The following RWDD2B variants were observed in gnomAD, a reference collection of about 807,000 sequenced individuals.
RWDD2B encodes RWD domain-containing protein 2B.
RWDD2B carries 36 observed loss-of-function variants against 33.6 expected under a neutral mutation model. That is an observed-to-expected ratio of 1.07 (90% CI 0.82 to 1.42). The LOEUF (loss-of-function observed/expected upper bound fraction) is 1.42, where lower values mean the gene tolerates loss of function less well. Ranked by LOEUF, RWDD2B falls within the 40% of genes most tolerant of loss-of-function variation. The probability of loss-of-function intolerance (pLI) is 0.00; values close to 1 mark genes in which losing one functional copy is unlikely to be tolerated. For missense variants in RWDD2B, 364 were observed against 377.5 expected (o/e 0.96, Z 0.30); for synonymous variants, 126 against 133.1 (o/e 0.95, Z 0.37).
At chr21:29,013,418 G>C (rs1177383296) in intron 1 of RWDD2B, among the ~76,000 whole-genome samples, 2 of 152,062 alleles carry the variant, frequency 1.3e-5, no homozygotes, top group Non-Finnish European at 2.9e-5. Flanking sequence ...GGCCTGGCGC[G>C]GTAGCTCACG....
At chr21:29,007,656 T>C in intron 4 of RWDD2B, 105 bp downstream of exon 4, 1 of 1,204,706 alleles carries the variant, frequency 8.3e-7, no homozygotes, top group Non-Finnish European at 1.2e-6. Flanking sequence ...CACTGTTTTA[T>C]GTGTTGTCCA....
At chr21:29,011,965 C>A (rs1354010716) in intron 1 of RWDD2B, among the ~76,000 whole-genome samples, 2 of 128,526 alleles carry the variant, frequency 1.6e-5, no homozygotes, top group Non-Finnish European at 3.3e-5. Flanking sequence ...CCGACCCGGC[C>A]AGCCGCGCCG....
At position 29,007,890 on chromosome 21, in the gene RWDD2B, TTATAGA is replaced by T; in HGVS notation, c.590_595del (p.Ile197_Tyr198del). The T allele has an allele frequency of 6.2e-7, 1 of 1,614,240 alleles. No individual in the cohort carries two copies. The highest frequency in any genetic ancestry group is 8.5e-7 in the Non-Finnish European group (1 of 1,180,036). On this transcript the variant is annotated inframe_deletion, in exon 4 of 5. Transcript: ENST00000493196. Reference sequence around the variant, plus strand: ...TAGAATATTCTTTCTTTTGCATTTGTTATAGATATGATGGCTGTAGATCCAGAGTCT... The same window carrying T: ...TAGAATATTCTTTCTTTTGCATTTGTTATGATGGCTGTAGATCCAGAGTCT...
At chr21:29,010,234 GA>G (rs2084849766) in intron 1 of RWDD2B, among the ~76,000 whole-genome samples, 1 of 151,986 alleles carries the variant, frequency 6.6e-6, no homozygotes, top group South Asian at 2.1e-4. Flanking sequence ...TTACTTTCCA[GA>G]AAGTTGCCAT....
At chr21:29,016,514 T>C (rs1022338983) in intron 1 of RWDD2B, among the ~76,000 whole-genome samples, 5 of 152,126 alleles carry the variant, frequency 3.3e-5, no homozygotes, top group Non-Finnish European at 7.4e-5. Context: ...TTCACCCGCC[T>C]TGGCCTCCCA....
At position 29,019,336 on chromosome 21, in the gene RWDD2B, C is replaced by G. The variant is rs2084905161; in HGVS notation, c.-59G>C. 21 of 1,272,506 alleles carry G rather than the reference C, an allele frequency of 1.7e-5. No homozygotes were observed. In the South Asian group the frequency reaches 2.7e-4, roughly 16 times the overall value. The allele number at this position is 1,272,506 out of a possible 1,614,324, so 78.8% of individuals were successfully genotyped here. A position where few individuals can be genotyped will look rare whatever the true frequency, so the allele number is the denominator to read the frequency against. ...ACCCAAAACTTACAAACCGCCTCAG[C>G]TGGCGACCTACCGGAAAAAAAAAAA... On this transcript the variant is annotated 5_prime_UTR_variant, in exon 1 of 5. Transcript: ENST00000493196.
chr21:29,011,009 G>A (rs1399488188), intron 1 of RWDD2B, among the ~76,000 whole-genome samples: 1 of 152,074 alleles, frequency 6.6e-6, no homozygotes, highest in East Asian at 1.9e-4. Context: ...GCGTGATCTC[G>A]GCTCGCTACA....
In RWDD2B at chr21:29,019,348, C is replaced by A. The variant is rs1258461657; in HGVS notation, c.-71G>T. On this transcript the variant is annotated 5_prime_UTR_variant, in exon 1 of 5. Coordinates refer to ENST00000493196, the MANE Select transcript of RWDD2B (RefSeq NM_016940.3). ...CAAACCGCCTCAGCTGGCGACCTAC[C>A]GGAAAAAAAAAAAAAAAGCATGCGG... 3.9e-6 allele frequency: 4 copies of A among 1,034,698 alleles called. No individual in the cohort carries two copies. Among genetic ancestry groups the A allele is most frequent in the African/African-American group, 7.8e-5 (2 of 25,544 alleles). The allele number at this position is 1,034,698 out of a possible 1,614,324, so 64.1% of individuals were successfully genotyped here. A position where few individuals can be genotyped will look rare whatever the true frequency, so the allele number is the denominator to read the frequency against.
chr21:29,016,837 T>G (rs1416509868), intron 1 of RWDD2B, among the ~76,000 whole-genome samples: 2 of 152,198 alleles, frequency 1.3e-5, no homozygotes, highest in African/African-American at 4.8e-5. Context: ...TTATCTGTGC[T>G]TTAGTCTCCC....
At chr21:29,013,849 TC>T (rs2084876948) in intron 1 of RWDD2B, among the ~76,000 whole-genome samples, 3 of 152,162 alleles carry the variant, frequency 2.0e-5, no homozygotes, top group African/African-American at 7.2e-5. Flanking sequence ...AATGTTAGCA[TC>T]CCTTAAGGTT....
chr21:29,013,670 CAG>C (rs1326920595), intron 1 of RWDD2B, among the ~76,000 whole-genome samples: 2 of 120,792 alleles, frequency 1.7e-5, no homozygotes, highest in Non-Finnish European at 3.2e-5. Context: ...GCCTGGGCGA[CAG>C]AGTGAGACTC....
chr21:29,015,807 A>G (rs185760281), intron 1 of RWDD2B, among the ~76,000 whole-genome samples: 1 of 152,342 alleles, frequency 6.6e-6, no homozygotes, highest in East Asian at 1.9e-4. Flanking sequence ...CTGGGATTAC[A>G]GGCGTGAGCC....
At chr21:29,010,752 C>T (rs1191187200) in intron 1 of RWDD2B, among the ~76,000 whole-genome samples, 1 of 151,662 alleles carries the variant, frequency 6.6e-6, no homozygotes, top group African/African-American at 2.4e-5. Context: ...CATCTCGGCT[C>T]ACTGCAACCT....
intron 1 of RWDD2B, among the ~76,000 whole-genome samples, chr21:29,012,101 C>G (rs1259982502): frequency 2.9e-5 from 4 of 138,274 alleles, no homozygotes; most frequent in Admixed American, 6.9e-5. Context: ...CCAGCCGCCC[C>G]GTCCGGGAGG....
In RWDD2B at chr21:29,019,299, T is replaced by C. The variant is rs751236572; in HGVS notation, c.-22A>G. 5 of 1,574,728 alleles carry C rather than the reference T, an allele frequency of 3.2e-6. No homozygotes were observed. The South Asian group carries it at 3.4e-5, about 11-fold the overall frequency. On this transcript the variant is annotated 5_prime_UTR_variant, in exon 1 of 5. Transcript: ENST00000493196. ...TCATCAGAAGGGAGCCTCAAAATTC[T>C]AGCATACTGCGACCCAAAACTTACA... is the stretch of plus-strand genomic sequence containing the variant.
intron 1 of RWDD2B, among the ~76,000 whole-genome samples, chr21:29,014,513 C>G (rs1263987002): frequency 6.6e-6 from 1 of 152,196 alleles, no homozygotes; most frequent in Non-Finnish European, 1.5e-5. Context: ...CCATCTCAGT[C>G]TTAACAGTCC....
At position 29,006,115 on chromosome 21, in the gene RWDD2B, G is replaced by A. The variant is rs2084827124; in HGVS notation, c.*302C>T. The A allele has an allele frequency of 4.6e-6, 1 of 215,352 alleles. No homozygotes were observed. 13.3% of individuals were successfully genotyped at this position (215,352 alleles called of 1,614,324 possible). Reference sequence around the variant, plus strand: ...AAGGCAGGTAAGGGAGAAGGGGGTTGGGAATGGCTGGCAAATTGGAGCACC... The same window carrying A: ...AAGGCAGGTAAGGGAGAAGGGGGTTAGGAATGGCTGGCAAATTGGAGCACC... On this transcript the variant is annotated 3_prime_UTR_variant, in exon 5 of 5. Coordinates refer to ENST00000493196, the MANE Select transcript of RWDD2B (RefSeq NM_016940.3).
intron 1 of RWDD2B, among the ~76,000 whole-genome samples, chr21:29,011,481 C>T (rs1168176469): frequency 1.6e-4 from 24 of 151,584 alleles, no homozygotes; most frequent in African/African-American, 4.8e-4. Context: ...GCAGCCACCC[C>T]GTCTGGGAAG....
rs200140207 is a variant in RWDD2B, at chr21:29,012,886, AT to A, written c.68-4266del. 1.7e-3 allele frequency among the ~76,000 whole-genome samples: 259 copies of A among 149,386 alleles called. 5 individuals are homozygous for A. In the East Asian group the frequency reaches 0.041, roughly 24 times the overall value. The stretch of plus-strand genomic sequence containing the variant: ...AAAAGGTGACGGAAGTTTCCAGCTT[AT>A]TTTTTTTTTCCAGTTAACTAGCCAT... On this transcript the variant is annotated intron_variant, in intron 1 of 4. Coordinates refer to ENST00000493196, the MANE Select transcript of RWDD2B (RefSeq NM_016940.3).
Sources: allele counts gnomAD v4.1 joint callset (sites outside exome capture counted in the v4.1 genomes callset), GRCh38; gene constraint gnomAD v4.1.1; transcripts MANE v1.5; gene names NCBI Gene and HGNC (gene_info 2026-07-23, HGNC 2026-07-21).